Variants in FSTL4 observed in about 807,000 individuals in gnomAD.
FSTL4 encodes follistatin-related protein 4.
A neutral mutation model predicts 78.2 loss-of-function variants in FSTL4; 28 were observed. The observed-to-expected ratio is 0.36, with a 90% confidence interval of 0.27 to 0.49. FSTL4 has a LOEUF of 0.49. FSTL4 is among the 20% of genes least tolerant of loss of function. The pLI is 0.98. For missense variants in FSTL4, 922 were observed against 1,084.9 expected (o/e 0.85, Z 2.11); for synonymous variants, 422 against 440.5 (o/e 0.96, Z 0.53).
the FSTL4 span, among the ~76,000 whole-genome samples, chr5:133,677,962 G>A: frequency 1.3e-5 from 2 of 152,180 alleles, no homozygotes; most frequent in Non-Finnish European, 2.9e-5. Context: ...TATTTATCAA[G>A]TGCAACATGA....
At chr5:133,253,521 C>T (rs1173318002) in intron 6 of FSTL4, among the ~76,000 whole-genome samples, 1 of 152,198 alleles carries the variant, frequency 6.6e-6, no homozygotes, top group African/African-American at 2.4e-5. Context: ...CTTTTCTTGC[C>T]CCTAAGTGTC....
intron 3 of FSTL4, among the ~76,000 whole-genome samples, chr5:133,542,613 CT>C (rs1029559185): frequency 3.9e-5 from 6 of 152,122 alleles, no homozygotes; most frequent in African/African-American, 1.4e-4. Context: ...AGTTAGAAAT[CT>C]GATTATATTT....
At chr5:133,641,250 C>CAA in the FSTL4 span, among the ~76,000 whole-genome samples, 23 of 128,684 alleles carry the variant, frequency 1.8e-4, no homozygotes, top group East Asian at 5.2e-3. Context: ...CAAAACAAAA[C>CAA]AAAACACACA....
rs1196541234 is a variant in FSTL4, at chr5:133,249,586, G to A, written c.728-10C>T. ...CTGAGCTGAACCACTTCTGCAGAGGGAAAGGAGGAGGCACGGTCAGGTGCA... is the reference window on the plus strand; with the variant it reads ...CTGAGCTGAACCACTTCTGCAGAGGAAAAGGAGGAGGCACGGTCAGGTGCA... On this transcript the variant is annotated splice_polypyrimidine_tract_variant and intron_variant, in intron 6 of 15. Transcript: ENST00000265342. 6.2e-7 allele frequency: 1 copy of A among 1,604,604 alleles called. No homozygotes were observed. Among genetic ancestry groups the A allele is most frequent in the African/African-American group, 1.3e-5 (1 of 74,802 alleles).
chr5:133,300,444 C>T (rs1441628670), intron 6 of FSTL4, among the ~76,000 whole-genome samples: 1 of 152,214 alleles, frequency 6.6e-6, no homozygotes, highest in Non-Finnish European at 1.5e-5. Flanking sequence ...GTCGACTCCA[C>T]TGCCCTTAAA....
intron 4 of FSTL4, among the ~76,000 whole-genome samples, chr5:133,330,509 G>A (rs1580623143): frequency 6.6e-6 from 1 of 152,306 alleles, no homozygotes; most frequent in East Asian, 1.9e-4. Flanking sequence ...ACAGCCGTGA[G>A]GGGATGGTGC....
At chr5:133,362,977 C>G (rs1755103072) in intron 4 of FSTL4, among the ~76,000 whole-genome samples, 1 of 151,640 alleles carries the variant, frequency 6.6e-6, no homozygotes, top group African/African-American at 2.4e-5. Context: ...CAGGCTAATT[C>G]CTCCTCTCCT....
chr5:133,438,185 T>C (rs888255163), intron 3 of FSTL4, among the ~76,000 whole-genome samples: 4 of 152,240 alleles, frequency 2.6e-5, no homozygotes, highest in African/African-American at 9.6e-5. Context: ...TATCTGAGAA[T>C]GCCTTTCTTT....
At chr5:133,652,876 T>C in the FSTL4 span, among the ~76,000 whole-genome samples, 3 of 152,216 alleles carry the variant, frequency 2.0e-5, no homozygotes, top group African/African-American at 4.8e-5. Context: ...GAAGTAACTG[T>C]ACCCATCGTG....
chr5:133,518,766 T>C (rs1481823839), intron 3 of FSTL4, among the ~76,000 whole-genome samples: 1 of 152,212 alleles, frequency 6.6e-6, no homozygotes, highest in Non-Finnish European at 1.5e-5. Flanking sequence ...GTAATGGTTT[T>C]TAATGTCTGG....
At chr5:133,771,231 G>C in the FSTL4 span, among the ~76,000 whole-genome samples, 1 of 151,842 alleles carries the variant, frequency 6.6e-6, no homozygotes, top group East Asian at 1.9e-4. Flanking sequence ...TATGAATTTT[G>C]GTATTGTTTT....
At chr5:133,356,532 C>A (rs995754322) in intron 4 of FSTL4, among the ~76,000 whole-genome samples, 5 of 152,198 alleles carry the variant, frequency 3.3e-5, no homozygotes, top group South Asian at 2.1e-4. Flanking sequence ...GACAGGTAGA[C>A]GCCCCTGCAG....
At chr5:133,381,857 G>A (rs1459936566) in intron 4 of FSTL4, among the ~76,000 whole-genome samples, 2 of 152,214 alleles carry the variant, frequency 1.3e-5, no homozygotes, top group East Asian at 1.9e-4. Context: ...AGTTAAACAC[G>A]CTGGCCGGGA....
At chr5:133,733,883 C>A in the FSTL4 span, among the ~76,000 whole-genome samples, 1 of 152,126 alleles carries the variant, frequency 6.6e-6, no homozygotes, top group Non-Finnish European at 1.5e-5. Flanking sequence ...TCCACGTGGG[C>A]CCACTCCCAT....
At chr5:133,657,888 G>A in the FSTL4 span, among the ~76,000 whole-genome samples, 1 of 149,510 alleles carries the variant, frequency 6.7e-6, no homozygotes, top group South Asian at 2.1e-4. Flanking sequence ...CATAAATAAT[G>A]CTACAAGAAA....
the FSTL4 span, among the ~76,000 whole-genome samples, chr5:133,719,171 C>A: frequency 6.6e-6 from 1 of 152,066 alleles, no homozygotes; most frequent in Admixed American, 6.5e-5. Flanking sequence ...TCTGACACTG[C>A]TAAGAGTTGG....
intron 4 of FSTL4, among the ~76,000 whole-genome samples, chr5:133,374,331 G>A (rs1755382926): frequency 6.6e-6 from 1 of 152,176 alleles, no homozygotes; most frequent in Non-Finnish European, 1.5e-5. Context: ...CTGAAGGGAG[G>A]AAAGGGGTCC....
the FSTL4 span, among the ~76,000 whole-genome samples, chr5:133,706,593 G>A: frequency 1.3e-5 from 2 of 152,186 alleles, no homozygotes; most frequent in South Asian, 4.1e-4. Context: ...TTTCATAAAT[G>A]CCATGTGACA....
chr5:133,217,392 A>C lies in FSTL4; in HGVS notation c.1459-14T>G. On this transcript the variant is annotated splice_polypyrimidine_tract_variant and intron_variant, in intron 12 of 15. Transcript: ENST00000265342. Reference sequence around the variant, plus strand: ...ACAGATTTCTTCCTGCAAAGGAGATAGGCTGTCATATATCTTCTTAATTGC... The same window carrying C: ...ACAGATTTCTTCCTGCAAAGGAGATCGGCTGTCATATATCTTCTTAATTGC... 1 of 1,613,366 alleles carries C rather than the reference A, an allele frequency of 6.2e-7. No homozygotes were observed. Among genetic ancestry groups the C allele is most frequent in the Non-Finnish European group, 8.5e-7 (1 of 1,179,500 alleles).
Sources: gnomAD v4.1 joint callset for allele counts (sites outside exome capture counted in the v4.1 genomes callset) on GRCh38, gnomAD v4.1.1 for gene constraint, MANE v1.5 for transcripts, NCBI Gene and HGNC (gene_info 2026-07-23, HGNC 2026-07-21) for gene names.